The following CRYBA4 variants were observed in gnomAD, a reference collection of about 807,000 sequenced individuals.
CRYBA4 encodes crystallin beta A4, also known as beta-crystallin A4.
In CRYBA4, 30 loss-of-function variants were observed where a neutral mutation model predicts 31.7. The observed-to-expected ratio is 0.95, with a 90% CI of 0.71 to 1.28. The LOEUF (loss-of-function observed/expected upper bound fraction) is 1.28, where lower values mean the gene tolerates loss of function less well. Ranked by LOEUF, CRYBA4 falls within the 50% of genes most tolerant of loss-of-function variation. CRYBA4 has a pLI of 0.00. For synonymous variants in CRYBA4, 102 were observed against 102.3 expected (o/e 1.00, Z 0.02); for missense variants, 225 against 260.7 (o/e 0.86, Z 0.94).
At chr22:26,623,094 T>C in intron 2 of CRYBA4, 140 bp from the exon 3 acceptor site, 2 of 768,352 alleles carry the variant, frequency 2.6e-6, no homozygotes, top group Admixed American at 3.5e-5. Flanking sequence ...CATTTATCAC[T>C]GCTCTTGCCT....
rs1022904495 is a variant in CRYBA4 at position 26,622,062 on chromosome 22, C to G, written c.-13+76C>G. On this transcript the variant is annotated intron_variant, in intron 1 of 5. Transcript: ENST00000354760. ...TCTGGGAGGCGAGGAACCCAGGTCC[C>G]CAGTCCTAGGGATGTCACTGTGTCA... The G allele has an allele frequency of 1.0e-5, 8 of 788,134 alleles. No individual in the cohort carries two copies. The African/African-American group carries it at 1.5e-4, about 15-fold the overall frequency. 48.8% of individuals were successfully genotyped at this position (788,134 alleles called of 1,614,324 possible).
chr22:26,600,548 T>C, the CRYBA4 span, among the ~76,000 whole-genome samples: 5 of 152,214 alleles, frequency 3.3e-5, no homozygotes, highest in African/African-American at 9.7e-5. Flanking sequence ...GGATAAGGTA[T>C]CAGAACCTCA....
the CRYBA4 span, among the ~76,000 whole-genome samples, chr22:26,613,001 T>A: frequency 6.6e-6 from 1 of 152,036 alleles, no homozygotes. Context: ...CTGCACTCCC[T>A]CTCTCCCATT....
the CRYBA4 span, chr22:26,616,476 T>G: frequency 1.5e-6 from 1 of 666,630 alleles, no homozygotes; most frequent in Non-Finnish European, 2.7e-6. Flanking sequence ...CCTGGAAGTT[T>G]TTCTTTCATC....
At chr22:26,609,458 A>G in the CRYBA4 span, among the ~76,000 whole-genome samples, 1 of 152,096 alleles carries the variant, frequency 6.6e-6, no homozygotes, top group Non-Finnish European at 1.5e-5. Context: ...GGATGGGTAG[A>G]TGGACAGATG....
At chr22:26,592,120 T>G in the CRYBA4 span, among the ~76,000 whole-genome samples, 3 of 152,126 alleles carry the variant, frequency 2.0e-5, no homozygotes, top group African/African-American at 7.2e-5. Flanking sequence ...CAACATTACA[T>G]AGTGTTTATT....
chr22:26,612,106 C>T, the CRYBA4 span: 11 of 1,613,786 alleles, frequency 6.8e-6, no homozygotes, highest in South Asian at 4.4e-5. Flanking sequence ...CGCACACGGT[C>T]GAAGCCACGG....
the CRYBA4 span, chr22:26,601,735 G>T: frequency 7.2e-7 from 1 of 1,379,616 alleles, no homozygotes; most frequent in Non-Finnish European, 1.0e-6. Context: ...TCTGTTGGCT[G>T]ATCCCAGGAA....
chr22:26,600,136 TC>T, the CRYBA4 span, among the ~76,000 whole-genome samples: 1 of 152,116 alleles, frequency 6.6e-6, no homozygotes, highest in Non-Finnish European at 1.5e-5. Flanking sequence ...GCGCGGTGGC[TC>T]AAGCCTGTAA....
the CRYBA4 span, chr22:26,608,154 A>G: frequency 3.8e-6 from 5 of 1,322,580 alleles, no homozygotes; most frequent in South Asian, 3.7e-5. Flanking sequence ...GGGGCTGAAC[A>G]TGTCTGGGTT....
the CRYBA4 span, among the ~76,000 whole-genome samples, chr22:26,613,151 T>C: frequency 6.6e-6 from 1 of 152,200 alleles, no homozygotes; most frequent in Non-Finnish European, 1.5e-5. Context: ...CTCCACAACA[T>C]AGGGGAAAAC....
the CRYBA4 span, among the ~76,000 whole-genome samples, chr22:26,594,613 C>G: frequency 6.6e-6 from 1 of 152,180 alleles, no homozygotes; most frequent in Non-Finnish European, 1.5e-5. Flanking sequence ...CCTGCTTGAA[C>G]CCGGGAGGTG....
the CRYBA4 span, among the ~76,000 whole-genome samples, chr22:26,610,216 T>A: frequency 1.3e-5 from 2 of 152,182 alleles, no homozygotes; most frequent in African/African-American, 4.8e-5. Context: ...ATATGGAAAC[T>A]GAGGCTAAGA....
intron 4 of CRYBA4, among the ~76,000 whole-genome samples, chr22:26,627,620 C>T (rs1602342440): frequency 9.3e-6 from 1 of 107,454 alleles, no homozygotes; most frequent in African/African-American, 3.3e-5. Flanking sequence ...CTCTCTCTCT[C>T]CTTCCTTCCT....
the CRYBA4 span, among the ~76,000 whole-genome samples, chr22:26,593,494 T>A: frequency 4.0e-5 from 6 of 151,828 alleles, no homozygotes; most frequent in South Asian, 4.1e-4. Context: ...TTAATTAAAA[T>A]TTTTTTAAAA....
chr22:26,600,360 C>T, the CRYBA4 span, among the ~76,000 whole-genome samples: 1 of 151,914 alleles, frequency 6.6e-6, no homozygotes, highest in Admixed American at 6.6e-5. Context: ...TGAGATTGCA[C>T]CACTGTACTC....
chr22:26,603,290 G>A, the CRYBA4 span, among the ~76,000 whole-genome samples: 1 of 152,112 alleles, frequency 6.6e-6, no homozygotes, highest in African/African-American at 2.4e-5. Flanking sequence ...AGCACTTTGG[G>A]AGGCCGAGAC....
the CRYBA4 span, chr22:26,590,253 T>C: frequency 7.1e-6 from 1 of 139,890 alleles, no homozygotes; most frequent in African/African-American, 2.6e-5. Flanking sequence ...GAGCAGAGGC[T>C]GGTCGGGAAG....
At position 26,630,612 on chromosome 22, in the gene CRYBA4, T is replaced by G; in HGVS notation, c.*125T>G. The G allele has an allele frequency of 1.3e-6, 1 of 783,164 alleles. No homozygotes were observed. 48.5% of individuals were successfully genotyped at this position (783,164 alleles called of 1,614,324 possible). A position where few individuals can be genotyped will look rare whatever the true frequency, so the allele number is the denominator to read the frequency against. On this transcript the variant is annotated 3_prime_UTR_variant, in exon 6 of 6. Transcript: ENST00000354760. ...GTGTGAACCCAGCACCCATGTGAACTGGTCCGTGCACAGTCAGCACAAAAA... is the reference window on the plus strand; with the variant it reads ...GTGTGAACCCAGCACCCATGTGAACGGGTCCGTGCACAGTCAGCACAAAAA...
Sources: allele counts gnomAD v4.1 joint callset (sites outside exome capture counted in the v4.1 genomes callset), GRCh38; gene constraint gnomAD v4.1.1; transcripts MANE v1.5; gene names NCBI Gene and HGNC (gene_info 2026-07-23, HGNC 2026-07-21).